The following ITPR2 variants were observed in gnomAD, a reference collection of about 807,000 sequenced individuals.
ITPR2 encodes inositol 1,4,5-trisphosphate-gated calcium channel ITPR2.
ITPR2 carries 207 observed loss-of-function variants against 317.1 expected under a neutral mutation model. The ratio of observed to expected loss-of-function variants is 0.65; its 90% confidence interval spans 0.58 to 0.73. The LOEUF is 0.73. Among genes scored for constraint, ITPR2 ranks in the 30% least tolerant of loss-of-function variants. ITPR2 has a pLI of 0.00. For synonymous variants in ITPR2, 1,156 were observed against 1,149.1 expected, an observed-to-expected ratio of 1.01 and a Z score of -0.12; for missense variants, 2,613 against 3,284.0, an observed-to-expected ratio of 0.80 and a Z score of 4.99.
At chr12:26,507,863 C>CTGTGTGTGTGTGTGTGTGTGTG (rs1555144092) in intron 37 of ITPR2, among the ~76,000 whole-genome samples, 1 of 132,198 alleles carries the variant, frequency 7.6e-6, no homozygotes, top group South Asian at 2.4e-4. Flanking sequence ...CTCTCTGTCT[C>CTGTGTGTGTGTGTGTGTGTGTG]TGTGTGTGTG....
intron 45 of ITPR2, among the ~76,000 whole-genome samples, chr12:26,459,746 C>T (rs1941969405): frequency 6.6e-6 from 1 of 152,202 alleles, no homozygotes; most frequent in Non-Finnish European, 1.5e-5. Context: ...CAGGAAATCT[C>T]ATCTACATCT....
At chr12:26,556,132 T>A in intron 36 of ITPR2, 101 bp downstream of exon 36, 8 of 1,119,324 alleles carry the variant, frequency 7.1e-6, no homozygotes, top group Non-Finnish European at 1.0e-5. Context: ...TTTCGCATAC[T>A]TTGCGGACTG....
intron 37 of ITPR2, among the ~76,000 whole-genome samples, chr12:26,500,399 C>A (rs1461728031): frequency 6.6e-6 from 1 of 152,192 alleles, no homozygotes; most frequent in African/African-American, 2.4e-5. Flanking sequence ...GACTTCTGTG[C>A]TGGTTCTTCA....
At chr12:26,524,991 A>G (rs1475985662) in intron 37 of ITPR2, among the ~76,000 whole-genome samples, 1 of 152,256 alleles carries the variant, frequency 6.6e-6, no homozygotes, top group Non-Finnish European at 1.5e-5. Context: ...AAACATTTCT[A>G]TAATTTAAAA....
chr12:26,454,012 A>T (rs1340415030), intron 45 of ITPR2, among the ~76,000 whole-genome samples: 3 of 152,094 alleles, frequency 2.0e-5, no homozygotes, highest in Non-Finnish European at 2.9e-5. Flanking sequence ...GGATAGATGG[A>T]TGGGTGAATG....
At chr12:26,553,292 A>G (rs1944574639) in intron 36 of ITPR2, among the ~76,000 whole-genome samples, 2 of 152,198 alleles carry the variant, frequency 1.3e-5, no homozygotes, top group Non-Finnish European at 1.5e-5. Flanking sequence ...AGTATCATTG[A>G]CCTATTCTCT....
At chr12:26,454,034 G>A (rs563629591) in intron 45 of ITPR2, among the ~76,000 whole-genome samples, 98 of 152,156 alleles carry the variant, frequency 6.4e-4, no homozygotes, top group Middle Eastern at 3.4e-3. Context: ...ATGGATGGAT[G>A]GATGGATGGA....
At chr12:26,730,782 C>A (rs986966674) in intron 2 of ITPR2, among the ~76,000 whole-genome samples, 1 of 152,108 alleles carries the variant, frequency 6.6e-6, no homozygotes, top group Non-Finnish European at 1.5e-5. Context: ...GGCATTTTAG[C>A]CTGCTTACTT....
At chr12:26,352,647 A>T (rs1006335827) in intron 55 of ITPR2, among the ~76,000 whole-genome samples, 5 of 152,188 alleles carry the variant, frequency 3.3e-5, no homozygotes, top group African/African-American at 9.7e-5. Context: ...GAAGTCAAAA[A>T]CTGGGTGCTT....
At chr12:26,689,520 C>T (rs1948193850) in intron 10 of ITPR2, among the ~76,000 whole-genome samples, 1 of 151,596 alleles carries the variant, frequency 6.6e-6, no homozygotes, top group Non-Finnish European at 1.5e-5. Context: ...GAAGGGCAAA[C>T]TCAAAAGTGT....
chr12:26,667,480 C>T (rs1947655533), intron 13 of ITPR2, among the ~76,000 whole-genome samples: 1 of 152,172 alleles, frequency 6.6e-6, no homozygotes, highest in African/African-American at 2.4e-5. Flanking sequence ...TGACAGGATT[C>T]ACTGACATAG....
At chr12:26,502,842 C>T (rs10842742) in intron 37 of ITPR2, among the ~76,000 whole-genome samples, 52,133 of 151,940 alleles carry the variant, frequency 0.34, 11,144 homozygotes, top group Non-Finnish European at 0.48. Flanking sequence ...TGGGGAAAGT[C>T]ATAACTAGTT....
At chr12:26,515,873 G>C (rs1164708199) in intron 37 of ITPR2, among the ~76,000 whole-genome samples, 1 of 151,910 alleles carries the variant, frequency 6.6e-6, no homozygotes, top group Admixed American at 6.5e-5. Flanking sequence ...ACTTTGGGAG[G>C]CTGAGGCAGG....
chr12:26,514,235 GAAGA>G (rs1456118336), intron 37 of ITPR2, among the ~76,000 whole-genome samples: 2 of 152,180 alleles, frequency 1.3e-5, no homozygotes. Flanking sequence ...GGAGGGAAAA[GAAGA>G]AAGGGTAAAT....
chr12:26,650,180 G>A (rs1019284725), intron 21 of ITPR2, among the ~76,000 whole-genome samples: 6 of 152,176 alleles, frequency 3.9e-5, no homozygotes, highest in African/African-American at 9.6e-5. Context: ...TAAACAGGAC[G>A]GTGGAGAGAG....
At chr12:26,754,339 G>A (rs555364633) in intron 2 of ITPR2, among the ~76,000 whole-genome samples, 2 of 152,330 alleles carry the variant, frequency 1.3e-5, no homozygotes, top group South Asian at 4.1e-4. Flanking sequence ...CTGGGGACAT[G>A]TGGAGTTAGC....
chr12:26,625,034 G>A (rs1256476175), intron 23 of ITPR2, among the ~76,000 whole-genome samples: 3 of 152,072 alleles, frequency 2.0e-5, no homozygotes, highest in Non-Finnish European at 4.4e-5. Context: ...CCTGTCATCT[G>A]CAACAACATG....
At chr12:26,636,447 T>C (rs1946869268) in intron 21 of ITPR2, among the ~76,000 whole-genome samples, 1 of 152,222 alleles carries the variant, frequency 6.6e-6, no homozygotes, top group Admixed American at 6.5e-5. Context: ...CCAACTCTTA[T>C]TTAATAAATG....
At chr12:26,540,868 G>A (rs189467446) in intron 37 of ITPR2, among the ~76,000 whole-genome samples, 1 of 152,216 alleles carries the variant, frequency 6.6e-6, no homozygotes, top group East Asian at 1.9e-4. Flanking sequence ...ATGGTTGAAA[G>A]TATTTTTGCC....
Sources: allele counts gnomAD v4.1 joint callset (sites outside exome capture counted in the v4.1 genomes callset), GRCh38; gene constraint gnomAD v4.1.1; transcripts MANE v1.5; gene names NCBI Gene and HGNC (gene_info 2026-07-23, HGNC 2026-07-21).